The following SUPV3L1 variants were observed in gnomAD, a reference collection of about 807,000 sequenced individuals.
SUPV3L1 encodes Suv3 like RNA helicase, also known as ATP-dependent RNA helicase SUPV3L1, mitochondrial.
In SUPV3L1, 35 loss-of-function variants were observed where a neutral mutation model predicts 70.0. That is an observed-to-expected ratio of 0.50 (90% CI 0.38 to 0.66). SUPV3L1 has a LOEUF of 0.66. Ranked by LOEUF, SUPV3L1 falls within the 30% of genes least tolerant of loss-of-function variation. The pLI is 0.00. For synonymous variants in SUPV3L1, 364 were observed against 341.9 expected, an observed-to-expected ratio of 1.06 and a Z score of -0.71; for missense variants, 777 against 961.5, an observed-to-expected ratio of 0.81 and a Z score of 2.54.
intron 6 of SUPV3L1, among the ~76,000 whole-genome samples, chr10:69,193,638 G>A (rs1183109527): frequency 2.0e-5 from 3 of 151,950 alleles, no homozygotes; most frequent in Admixed American, 6.6e-5. Flanking sequence ...TCGAACTCCC[G>A]GGCTCAAGCA....
intron 11 of SUPV3L1, 32 bp from the exon 12 acceptor site, chr10:69,202,407 C>A: frequency 1.9e-6 from 3 of 1,558,144 alleles, no homozygotes; most frequent in South Asian, 1.2e-5. Context: ...AAAAAAAAAT[C>A]AGCTTATGAT....
chr10:69,200,393 C>G lies in SUPV3L1; in HGVS notation c.1412C>G (p.Ala471Gly). The G allele has an allele frequency of 6.2e-7, 1 of 1,614,140 alleles. No homozygotes were observed. Among genetic ancestry groups the G allele is most frequent in the Non-Finnish European group, 8.5e-7 (1 of 1,180,026 alleles). ...CAAGCCCTGCAGATTGCTGGCAGAG[C>G]TGGCAGATTCAGCTCACGGTTTAAA... ...TSQALQIAGRAGRFSSRFKEG... is the reference protein window; with the variant it reads ...TSQALQIAGRGGRFSSRFKEG... Residue 471 changes from alanine to glycine, a missense_variant, in exon 11 of 15, where the codon GCT becomes GGT. Physicochemically the swap from Ala to Gly is moderately conservative, Grantham distance 60 (BLOSUM62 0). This residue lies in a region of SUPV3L1 where 619 missense variants were observed against 823.3 expected (regional missense o/e 0.75). Transcript: ENST00000359655.
chr10:69,194,912 G>A (rs539805007), intron 6 of SUPV3L1, among the ~76,000 whole-genome samples: 8 of 150,538 alleles, frequency 5.3e-5, no homozygotes, highest in East Asian at 1.9e-4. Flanking sequence ...GCATTTAACT[G>A]TATAACTTAA....
intron 13 of SUPV3L1, among the ~76,000 whole-genome samples, chr10:69,206,339 C>T (rs953602512): frequency 6.6e-6 from 1 of 152,192 alleles, no homozygotes; most frequent in Non-Finnish European, 1.5e-5. Context: ...GAAGTATTAA[C>T]CTTGCTTAGG....
intron 6 of SUPV3L1, among the ~76,000 whole-genome samples, chr10:69,194,172 A>G (rs375162003): frequency 2.0e-5 from 3 of 152,220 alleles, no homozygotes; most frequent in East Asian, 3.9e-4. Context: ...GACAAGTGGA[A>G]CTGCTCAGTG....
intron 11 of SUPV3L1, among the ~76,000 whole-genome samples, chr10:69,202,129 A>G (rs4990721): frequency 0.87 from 132,135 of 152,140 alleles, 57,661 homozygotes; most frequent in Non-Finnish European, 0.91. Context: ...ATGAGCCACC[A>G]CACCCAGCCC....
At position 69,208,897 on chromosome 10, in the gene SUPV3L1, A is replaced by ACTC. The variant is rs749980553; in HGVS notation, c.2227_2229dup (p.Leu743dup). The stretch of plus-strand genomic sequence containing the variant: ...TTGCTTCCAGATTGGTGCAGCAAGG[A>ACTC]CTCCTCACTCCAGACATGCTGAAAC... On this transcript the variant is annotated inframe_insertion, in exon 15 of 15. Coordinates refer to ENST00000359655, the MANE Select transcript of SUPV3L1 (RefSeq NM_003171.5). The ACTC allele has an allele frequency of 6.2e-7, 1 of 1,614,034 alleles. No individual in the cohort carries two copies. The highest frequency in any genetic ancestry group is 1.7e-5 in the Admixed American group (1 of 59,988).
At chr10:69,202,416 A>G (rs770015317) in intron 11 of SUPV3L1, 23 bp from the exon 12 acceptor site, 1 of 1,591,002 alleles carries the variant, frequency 6.3e-7, no homozygotes, top group Non-Finnish European at 8.6e-7. Flanking sequence ...TCAGCTTATG[A>G]TTGTTTTTTC....
At chr10:69,191,226 T>C (rs1160460885) in intron 5 of SUPV3L1, among the ~76,000 whole-genome samples, 1 of 136,258 alleles carries the variant, frequency 7.3e-6, no homozygotes, top group Non-Finnish European at 1.5e-5. Flanking sequence ...GAAAAAAGCA[T>C]TGGGAATTTT....
chr10:69,185,536 C>CT (rs1420169399), intron 1 of SUPV3L1, among the ~76,000 whole-genome samples: 2 of 147,076 alleles, frequency 1.4e-5, no homozygotes, highest in African/African-American at 5.0e-5. Context: ...GAGACTCGCT[C>CT]TGTCTCCTAG....
In SUPV3L1 at chr10:69,202,414, T is replaced by C. The variant is rs372976781; in HGVS notation, c.1519-25T>C. On this transcript the variant is annotated intron_variant, in intron 11 of 14. Transcript: ENST00000359655. ...TTTTGAAAAAAAAAAAATCAGCTTA[T>C]GATTGTTTTTTCTTTTACTAAAAGG... 5.7e-5 allele frequency: 91 copies of C among 1,591,726 alleles called. 1 individual carries two copies. The highest frequency in any genetic ancestry group is 1.8e-5 in the Non-Finnish European group (21 of 1,169,392).
chr10:69,187,532 T>TA, intron 3 of SUPV3L1, 110 bp from the exon 4 acceptor site: 1 of 682,992 alleles, frequency 1.5e-6, no homozygotes, highest in Non-Finnish European at 2.4e-6. Context: ...CTTTTCTTTT[T>TA]ACCCTGGCAG....
intron 8 of SUPV3L1, among the ~76,000 whole-genome samples, chr10:69,198,015 A>T (rs1842586350): frequency 6.6e-6 from 1 of 152,196 alleles, no homozygotes; most frequent in Non-Finnish European, 1.5e-5. Flanking sequence ...GACTTGCAAA[A>T]TGTGCCTCAG....
intron 13 of SUPV3L1, among the ~76,000 whole-genome samples, chr10:69,203,728 T>A (rs1184782451): frequency 6.6e-5 from 10 of 151,818 alleles, no homozygotes; most frequent in Admixed American, 5.9e-4. Flanking sequence ...AATTTAATTT[T>A]ATTTATTTTA....
chr10:69,190,157 A>G (rs1388030170), intron 5 of SUPV3L1, among the ~76,000 whole-genome samples: 1 of 152,186 alleles, frequency 6.6e-6, no homozygotes, highest in Non-Finnish European at 1.5e-5. Context: ...AAGAAATAAA[A>G]TATTGTTGCT....
chr10:69,191,642 T>C lies in SUPV3L1; in HGVS notation c.742-13T>C, dbSNP rs936255411. 6.2e-5 allele frequency: 98 copies of C among 1,579,340 alleles called. 1 individual carries two copies. Among genetic ancestry groups the C allele is most frequent in the Non-Finnish European group, 8.4e-5 (96 of 1,149,188 alleles). ...TATTTTCAATAATTCTAGTTTTTTT[T>C]CTGTCTTTCTAGGGTGTGCCATGTG... On this transcript the variant is annotated splice_polypyrimidine_tract_variant and intron_variant, in intron 5 of 14. Coordinates refer to ENST00000359655, the MANE Select transcript of SUPV3L1 (RefSeq NM_003171.5).
At chr10:69,202,670 C>A (rs1312241314) in intron 12 of SUPV3L1, 151 bp downstream of exon 12, 3 of 1,071,570 alleles carry the variant, frequency 2.8e-6, no homozygotes, top group African/African-American at 3.2e-5. Context: ...TTCTCAAAAT[C>A]TTTTGGGACT....
chr10:69,204,807 T>G (rs564998901), intron 13 of SUPV3L1, among the ~76,000 whole-genome samples: 2 of 151,484 alleles, frequency 1.3e-5, no homozygotes, highest in Admixed American at 1.3e-4. Context: ...AGAGTCTCAC[T>G]CTGTCGCTGA....
In SUPV3L1 at chr10:69,180,268, G is replaced by C; in HGVS notation, c.-24G>C. On this transcript the variant is annotated 5_prime_UTR_variant, in exon 1 of 15. Transcript: ENST00000359655. ...CGCCGCCGTGTCCGCGGCTGCGCCA[G>C]ACAGTGTAGAACCTGCGGCCTCGAT... The C allele has an allele frequency of 6.2e-7, 1 of 1,605,722 alleles. No homozygotes were observed. Among genetic ancestry groups the C allele is most frequent in the South Asian group, 1.1e-5 (1 of 90,854 alleles).
Sources: allele counts gnomAD v4.1 joint callset (sites outside exome capture counted in the v4.1 genomes callset), GRCh38; gene constraint gnomAD v4.1.1; regional missense constraint gnomAD v4.1.1; transcripts MANE v1.5; gene names NCBI Gene and HGNC (gene_info 2026-07-23, HGNC 2026-07-21).